Variants in NCOA1 observed in about 807,000 individuals in gnomAD.
NCOA1 encodes the protein Hin-2 protein.
NCOA1 carries 35 observed loss-of-function variants against 150.9 expected under a neutral mutation model. The observed-to-expected ratio is 0.23, with a 90% CI of 0.18 to 0.31. NCOA1 has a LOEUF of 0.31. Ranked by LOEUF, NCOA1 falls within the 10% of genes least tolerant of loss-of-function variation. The probability of loss-of-function intolerance (pLI) is 1.00; values close to 1 mark genes in which losing one functional copy is unlikely to be tolerated. For missense variants in NCOA1, 1,491 were observed against 1,749.3 expected (o/e 0.85, Z 2.63); for synonymous variants, 590 against 630.0 (o/e 0.94, Z 0.95).
chr2:24,576,540 A>G (rs1027041648), intron 2 of NCOA1, among the ~76,000 whole-genome samples: 37 of 152,146 alleles, frequency 2.4e-4, no homozygotes, highest in Admixed American at 2.0e-4. Context: ...CTGGTATCTA[A>G]TATCTAAAAG....
chr2:24,577,153 A>C (rs1291990432), intron 2 of NCOA1, among the ~76,000 whole-genome samples: 1 of 152,106 alleles, frequency 6.6e-6, no homozygotes, highest in African/African-American at 2.4e-5. Context: ...GGCTCTTCAA[A>C]GTGTTTGACC....
chr2:24,675,578 G>A (rs1368118611), intron 7 of NCOA1, among the ~76,000 whole-genome samples: 1 of 152,120 alleles, frequency 6.6e-6, no homozygotes, highest in Non-Finnish European at 1.5e-5. Context: ...GGGAAAAGAT[G>A]ATCGTAGTTA....
intron 3 of NCOA1, among the ~76,000 whole-genome samples, chr2:24,594,289 AC>A (rs953558787): frequency 1.3e-5 from 2 of 152,158 alleles, no homozygotes; most frequent in African/African-American, 4.8e-5. Flanking sequence ...ACTGAAAAAA[AC>A]TTTAAGAAAA....
chr2:24,691,531 T>C lies in NCOA1; in HGVS notation c.583T>C (p.Phe195Leu), dbSNP rs755861552. ...QEATRRNSHT[F>L]NCRMLIHPPD... ...GGCAACACGACGAAATAGCCATACC[T>C]TTAACTGCAGGATGCTAATTCACCC... is the stretch of plus-strand genomic sequence containing the variant. Residue 195 changes from phenylalanine (F) to leucine (L), a missense_variant, in exon 9 of 23, where the codon TTT becomes CTT. Coordinates refer to ENST00000348332, the MANE Select transcript of NCOA1 (RefSeq NM_003743.5). The C allele has an allele frequency of 6.2e-7, 1 of 1,614,202 alleles. No homozygotes were observed. Among genetic ancestry groups the C allele is most frequent in the South Asian group, 1.1e-5 (1 of 91,084 alleles).
chr2:24,571,779 G>A (rs566555174), intron 2 of NCOA1, among the ~76,000 whole-genome samples: 1 of 152,216 alleles, frequency 6.6e-6, no homozygotes, highest in East Asian at 1.9e-4. Context: ...ACAAATACAA[G>A]GTACTTAGTA....
intron 1 of NCOA1, among the ~76,000 whole-genome samples, chr2:24,537,506 C>T (rs576221570): frequency 7.9e-5 from 12 of 151,910 alleles, no homozygotes; most frequent in African/African-American, 2.9e-4. Context: ...GTGTCTCTCT[C>T]TCTCTCTCTG....
intron 5 of NCOA1, among the ~76,000 whole-genome samples, chr2:24,663,825 A>G (rs923148858): frequency 1.8e-4 from 27 of 151,952 alleles, no homozygotes; most frequent in African/African-American, 6.5e-4. Context: ...TGCTTTCTCT[A>G]TCCCCTCTCT....
At chr2:24,494,981 T>G (rs1037477971) in intron 1 of NCOA1, among the ~76,000 whole-genome samples, 20 of 152,222 alleles carry the variant, frequency 1.3e-4, no homozygotes, top group Non-Finnish European at 2.5e-4. Context: ...TTTCTCTTTA[T>G]ATTTTAGTTA....
chr2:24,556,267 C>G (rs757730081), intron 1 of NCOA1, among the ~76,000 whole-genome samples: 1 of 152,170 alleles, frequency 6.6e-6, no homozygotes, highest in African/African-American at 2.4e-5. Flanking sequence ...TCTGTTCTTG[C>G]GTTAGTTGCT....
At chr2:24,551,787 T>G (rs1665842794) in intron 1 of NCOA1, among the ~76,000 whole-genome samples, 1 of 152,216 alleles carries the variant, frequency 6.6e-6, no homozygotes, top group Admixed American at 6.5e-5. Flanking sequence ...ATTTTTTCTA[T>G]TTAGGTCTAT....
intron 3 of NCOA1, among the ~76,000 whole-genome samples, chr2:24,599,624 A>G (rs192205902): frequency 8.7e-4 from 132 of 152,236 alleles, no homozygotes; most frequent in Non-Finnish European, 1.4e-3. Context: ...AGGCTTAGCT[A>G]TGACTTAAAT....
chr2:24,700,163 A>AATG (rs1673091489), intron 11 of NCOA1, among the ~76,000 whole-genome samples: 1 of 148,758 alleles, frequency 6.7e-6, no homozygotes, highest in Admixed American at 6.7e-5. Flanking sequence ...TAATAATAAT[A>AATG]ATAATAATAA....
intron 1 of NCOA1, among the ~76,000 whole-genome samples, chr2:24,513,029 A>C (rs1317483288): frequency 6.6e-6 from 1 of 152,176 alleles, no homozygotes; most frequent in Non-Finnish European, 1.5e-5. Context: ...TTCTGTCACA[A>C]GTACTTCTTT....
At chr2:24,607,282 A>G (rs544500383) in intron 3 of NCOA1, among the ~76,000 whole-genome samples, 5 of 151,422 alleles carry the variant, frequency 3.3e-5, no homozygotes, top group African/African-American at 1.2e-4. Flanking sequence ...AAAATTTGCT[A>G]TAGTCATTTT....
chr2:24,505,607 A>G (rs1253201088), intron 1 of NCOA1, among the ~76,000 whole-genome samples: 1 of 152,058 alleles, frequency 6.6e-6, no homozygotes, highest in Non-Finnish European at 1.5e-5. Flanking sequence ...ACTTTTTTTT[A>G]TGGTAGCTGT....
intron 3 of NCOA1, among the ~76,000 whole-genome samples, chr2:24,592,647 C>A (rs55996620): frequency 0.059 from 8,206 of 139,552 alleles, 308 homozygotes; most frequent in Non-Finnish European, 0.081. Context: ...GTAGAGGCTC[C>A]TTGGGAGCTT....
chr2:24,757,748 T>C (rs1338716125), intron 20 of NCOA1, among the ~76,000 whole-genome samples: 3 of 152,304 alleles, frequency 2.0e-5, no homozygotes, highest in South Asian at 2.1e-4. Flanking sequence ...ATCTCTGATA[T>C]TGTGCCAGAT....
intron 20 of NCOA1, among the ~76,000 whole-genome samples, chr2:24,755,833 G>C (rs1406829327): frequency 6.6e-6 from 1 of 152,178 alleles, no homozygotes; most frequent in African/African-American, 2.4e-5. Flanking sequence ...TGCAGTCCTT[G>C]AAGTTTCCAC....
intron 19 of NCOA1, among the ~76,000 whole-genome samples, chr2:24,743,912 A>G (rs1663746485): frequency 6.6e-6 from 1 of 152,236 alleles, no homozygotes; most frequent in Admixed American, 6.5e-5. Context: ...AAATAGAAAT[A>G]GTATTTCTGT....
Sources: allele counts gnomAD v4.1 joint callset (sites outside exome capture counted in the v4.1 genomes callset), GRCh38; gene constraint gnomAD v4.1.1; transcripts MANE v1.5; gene names NCBI Gene and HGNC (gene_info 2026-07-23, HGNC 2026-07-21).